Variants in ASAP1 observed in about 807,000 individuals in gnomAD.
ASAP1 encodes the protein arf-GAP with SH3 domain, ANK repeat and PH domain-containing protein 1.
A neutral mutation model predicts 145.2 loss-of-function variants in ASAP1; 43 were observed. That is an observed-to-expected ratio of 0.30 (90% CI 0.23 to 0.38). ASAP1 has a LOEUF of 0.38. ASAP1 is among the 10% of genes least tolerant of loss of function. The pLI is 1.00. For missense variants in ASAP1, 1,018 were observed against 1,355.3 expected (o/e 0.75, Z 3.91); for synonymous variants, 546 against 515.5 (o/e 1.06, Z -0.80).
chr8:130,057,936 A>C lies in ASAP1; in HGVS notation c.3315+18T>G. 6.2e-7 allele frequency: 1 copy of C among 1,612,986 alleles called. No individual in the cohort carries two copies. Among genetic ancestry groups the C allele is most frequent in the Non-Finnish European group, 8.5e-7 (1 of 1,179,018 alleles). The stretch of plus-strand genomic sequence containing the variant: ...CTGTATGAATGTACGGATGAAGTGG[A>C]TGGATATTCGTACGTACCCACCACT... On this transcript the variant is annotated intron_variant, in intron 29 of 29. Coordinates refer to ENST00000518721, the MANE Select transcript of ASAP1 (RefSeq NM_018482.4).
chr8:130,106,671 G>A (rs1008989389), intron 24 of ASAP1, among the ~76,000 whole-genome samples: 7 of 152,204 alleles, frequency 4.6e-5, no homozygotes, highest in Non-Finnish European at 7.3e-5. Flanking sequence ...TGCATCTGAC[G>A]AGTACTGACG....
At chr8:130,105,329 T>G (rs1037930197) in intron 24 of ASAP1, among the ~76,000 whole-genome samples, 1 of 152,176 alleles carries the variant, frequency 6.6e-6, no homozygotes, top group Non-Finnish European at 1.5e-5. Flanking sequence ...GGAGAATGCG[T>G]GTAGGTTATA....
At position 130,358,041 on chromosome 8, in the gene ASAP1, C is replaced by T. The variant is rs1283761804; in HGVS notation, c.162G>A (p.Arg54=). Residue 54 remains arginine, a synonymous_variant, in exon 3 of 30, where the codon AGG becomes AGA. Coordinates refer to ENST00000518721, the MANE Select transcript of ASAP1 (RefSeq NM_018482.4). The surrounding 1 kb of genome is among the most constrained non-coding windows in gnomAD (Gnocchi z 4.1). ...CCTCCTCCAGCAGCGTGACGGTGTT[C>T]CTGCAGTTGTGCAGCCGCGTGGTGA... ...SSFTTRLHNC[R]NTVTLLEEAL... 2 of 1,609,936 alleles carry T rather than the reference C, an allele frequency of 1.2e-6. No homozygotes were observed. The highest frequency in any genetic ancestry group is 1.7e-6 in the Non-Finnish European group (2 of 1,178,704).
At chr8:130,186,065 C>T (rs1444912198) in intron 7 of ASAP1, among the ~76,000 whole-genome samples, 1 of 152,094 alleles carries the variant, frequency 6.6e-6, no homozygotes, top group Non-Finnish European at 1.5e-5. Flanking sequence ...CTTCCATTTT[C>T]TAAGTACTTA....
chr8:130,089,606 G>C (rs912509317), intron 25 of ASAP1, among the ~76,000 whole-genome samples: 11 of 152,188 alleles, frequency 7.2e-5, no homozygotes, highest in African/African-American at 2.7e-4. Context: ...CCTGCCTTTG[G>C]CTTCTACAAT....
chr8:130,310,484 T>C (rs968312824), intron 3 of ASAP1, among the ~76,000 whole-genome samples: 3 of 152,122 alleles, frequency 2.0e-5, no homozygotes, highest in African/African-American at 4.8e-5. Flanking sequence ...AGATGTGTCA[T>C]GAAGTGAATT....
At chr8:130,175,216 TTGTG>T (rs372810166) in intron 9 of ASAP1, among the ~76,000 whole-genome samples, 1 of 151,378 alleles carries the variant, frequency 6.6e-6, no homozygotes, top group African/African-American at 2.4e-5. Context: ...TTCTGGCCAT[TTGTG>T]TGTGTGTGTG....
At chr8:130,240,207 T>C (rs893215782) in intron 3 of ASAP1, among the ~76,000 whole-genome samples, 10 of 152,260 alleles carry the variant, frequency 6.6e-5, no homozygotes, top group Middle Eastern at 3.4e-3. Context: ...AACTTGCCTA[T>C]GAACTGGTAG....
At chr8:130,054,949 A>C in intron 29 of ASAP1, 144 bp from the exon 30 acceptor site, 1 of 683,620 alleles carries the variant, frequency 1.5e-6, no homozygotes, top group South Asian at 1.6e-5. Context: ...CCTTTAGTGA[A>C]CTACAGAGAG....
At chr8:130,284,784 C>T (rs374713415) in intron 3 of ASAP1, among the ~76,000 whole-genome samples, 2 of 151,574 alleles carry the variant, frequency 1.3e-5, no homozygotes, top group African/African-American at 4.9e-5. Context: ...TTCCCTCCCC[C>T]CATAAGAATA....
At position 130,052,994 on chromosome 8, in the gene ASAP1, C is replaced by T. The variant is rs1051675765; in HGVS notation, c.*1737G>A. On this transcript the variant is annotated 3_prime_UTR_variant, in exon 30 of 30. Transcript: ENST00000518721. ...GTGTGGAAATTCACATGTGCCCTGA[C>T]ACTGAGGAAGCAATTGCTTAAAATC... 1 of 152,168 alleles carries T rather than the reference C, an allele frequency of 6.6e-6. No individual in the cohort carries two copies. Among genetic ancestry groups the T allele is most frequent in the African/African-American group, 2.4e-5 (1 of 41,430 alleles). 9.4% of individuals were successfully genotyped at this position (152,168 alleles called of 1,614,324 possible).
intron 27 of ASAP1, among the ~76,000 whole-genome samples, chr8:130,072,824 T>TGTGTGTGTGTGTGCGC: frequency 1.2e-4 from 4 of 32,298 alleles, no homozygotes; most frequent in Non-Finnish European, 1.7e-4. Context: ...TGTGTGTGTG[T>TGTGTGTGTGTGTGCGC]GCGCGCGGGG....
At chr8:130,289,286 A>G (rs1334368973) in intron 3 of ASAP1, among the ~76,000 whole-genome samples, 1 of 152,268 alleles carries the variant, frequency 6.6e-6, no homozygotes, top group Non-Finnish European at 1.5e-5. Flanking sequence ...AGAAGGCGTC[A>G]GACTAACACT....
chr8:130,325,737 GGCTAAAT>G (rs1824283385), intron 3 of ASAP1, among the ~76,000 whole-genome samples: 1 of 152,156 alleles, frequency 6.6e-6, no homozygotes, highest in South Asian at 2.1e-4. Flanking sequence ...GTTAGGGCAG[GGCTAAAT>G]GCTTTTCCAG....
At chr8:130,152,651 T>C (rs2097649047) in intron 13 of ASAP1, 85 bp downstream of exon 13, 1 of 894,686 alleles carries the variant, frequency 1.1e-6, no homozygotes, top group Non-Finnish European at 1.7e-6. Context: ...TGCATAAATA[T>C]ATTTGCGCCA....
chr8:130,214,245 T>C (rs901628377), intron 5 of ASAP1, among the ~76,000 whole-genome samples: 1 of 152,128 alleles, frequency 6.6e-6, no homozygotes, highest in African/African-American at 2.4e-5. Context: ...AAAAAATCAA[T>C]GGTAGAGATG....
At chr8:130,103,227 T>C (rs527919635) in intron 24 of ASAP1, among the ~76,000 whole-genome samples, 2 of 152,274 alleles carry the variant, frequency 1.3e-5, no homozygotes, top group South Asian at 4.1e-4. Context: ...TCTCCTACAA[T>C]GACCTTTGTA....
intron 19 of ASAP1, 46 bp from the exon 20 acceptor site, chr8:130,118,292 C>A: frequency 6.4e-7 from 1 of 1,571,754 alleles, no homozygotes; most frequent in African/African-American, 1.4e-5. Flanking sequence ...ATATGCTCTG[C>A]CAAGGGAGGC....
At chr8:130,122,535 C>T (rs80353678) in intron 18 of ASAP1, among the ~76,000 whole-genome samples, 2,881 of 152,256 alleles carry the variant, frequency 0.019, 93 homozygotes, top group African/African-American at 0.064. Flanking sequence ...AATGCTGCTC[C>T]AAGCACTTTT....
Sources: gnomAD v4.1 joint callset for allele counts (sites outside exome capture counted in the v4.1 genomes callset) on GRCh38, gnomAD v4.1.1 for gene constraint, Gnocchi (gnomAD v3.1) non-coding constraint, MANE v1.5 for transcripts, NCBI Gene and HGNC (gene_info 2026-07-23, HGNC 2026-07-21) for gene names.